Variants in LRRIQ1 observed in about 807,000 individuals in gnomAD.
The protein encoded by LRRIQ1 is leucine rich repeats and IQ motif containing 1.
Under a neutral mutation model 211.9 loss-of-function variants are expected in LRRIQ1, and 210 were observed. The observed-to-expected ratio is 0.99, with a 90% CI of 0.89 to 1.11. The LOEUF is 1.11. Among genes scored for constraint, LRRIQ1 ranks in the 50% most tolerant of loss-of-function variants. The probability of loss-of-function intolerance (pLI) is 0.00; values close to 1 mark genes in which losing one functional copy is unlikely to be tolerated. For synonymous variants in LRRIQ1, 699 were observed against 650.1 expected, an observed-to-expected ratio of 1.08 and a Z score of -1.14; for missense variants, 2,136 against 1,939.5, an observed-to-expected ratio of 1.10 and a Z score of -1.90.
intron 24 of LRRIQ1, among the ~76,000 whole-genome samples, chr12:85,194,204 A>C (rs989826049): frequency 8.3e-6 from 1 of 121,164 alleles, no homozygotes; most frequent in Non-Finnish European, 1.7e-5. Context: ...AGAGACTTAG[A>C]CTCCCAAACA....
In LRRIQ1 at chr12:85,114,122, T is replaced by A. The variant is rs1021452712; in HGVS notation, c.3377+7507T>A. 3.3e-5 allele frequency among the ~76,000 whole-genome samples: 5 copies of A among 152,092 alleles called. No homozygotes were observed. The South Asian group carries it at 1.0e-3, about 32-fold the overall frequency. On this transcript the variant is annotated intron_variant, in intron 15 of 26. Coordinates refer to ENST00000393217, the MANE Select transcript of LRRIQ1 (RefSeq NM_001079910.2). ...ATCTCCAAGTTTGGGATCCTCACTTTTAGGAGCTGGATCTTAAAGTGAAAC... is the reference window on the plus strand; with the variant it reads ...ATCTCCAAGTTTGGGATCCTCACTTATAGGAGCTGGATCTTAAAGTGAAAC...
intron 6 of LRRIQ1, among the ~76,000 whole-genome samples, chr12:85,049,575 C>T (rs769436806): frequency 6.6e-6 from 1 of 152,088 alleles, no homozygotes; most frequent in Non-Finnish European, 1.5e-5. Flanking sequence ...TTCCTCCCAT[C>T]CTAAAAATAA....
chr12:85,196,543 C>T (rs1489033427), intron 24 of LRRIQ1, among the ~76,000 whole-genome samples: 1 of 152,080 alleles, frequency 6.6e-6, no homozygotes, highest in Non-Finnish European at 1.5e-5. Context: ...ACTATCTGAT[C>T]TTTGACAAAC....
chr12:85,061,314 C>G (rs910278619), intron 8 of LRRIQ1, among the ~76,000 whole-genome samples: 1 of 151,564 alleles, frequency 6.6e-6, no homozygotes, highest in African/African-American at 2.4e-5. Flanking sequence ...ATAATTAATA[C>G]AAAAATTTAT....
At chr12:85,040,645 G>A (rs781458659) in intron 3 of LRRIQ1, 44 bp downstream of exon 3, 2 of 1,165,112 alleles carry the variant, frequency 1.7e-6, no homozygotes, top group Non-Finnish European at 2.5e-6. Context: ...CTTTCTGTAA[G>A]TATGAACAAA....
intron 26 of LRRIQ1, among the ~76,000 whole-genome samples, chr12:85,239,845 G>A (rs1346489802): frequency 6.6e-6 from 1 of 151,990 alleles, no homozygotes; most frequent in Non-Finnish European, 1.5e-5. Flanking sequence ...GGGCATGGTG[G>A]CACGTGCCTG....
intron 24 of LRRIQ1, among the ~76,000 whole-genome samples, chr12:85,199,268 C>A (rs1893173099): frequency 6.6e-6 from 1 of 152,108 alleles, no homozygotes; most frequent in Non-Finnish European, 1.5e-5. Context: ...AGTTTCCAAT[C>A]CATCTTGAGT....
intron 1 of LRRIQ1, among the ~76,000 whole-genome samples, chr12:85,262,431 G>T (rs749617684): frequency 1.3e-5 from 2 of 151,898 alleles, no homozygotes; most frequent in African/African-American, 2.4e-5. Context: ...TGAATATCTT[G>T]ATATTCTAGA....
At chr12:85,217,726 A>ATATGTATATATATGTAACTG (rs143541341) in intron 24 of LRRIQ1, among the ~76,000 whole-genome samples, 48 of 144,102 alleles carry the variant, frequency 3.3e-4, no homozygotes, top group African/African-American at 1.2e-3. Context: ...ATATGTATAT[A>ATATGTATATATATGTAACTG]TGTGTATATA....
In LRRIQ1 at chr12:85,245,064, C is replaced by A; in HGVS notation, c.*123C>A. 1 of 1,368,108 alleles carries A rather than the reference C, an allele frequency of 7.3e-7. No homozygotes were observed. The highest frequency in any genetic ancestry group is 9.6e-7 in the Non-Finnish European group (1 of 1,038,112). The allele number at this position is 1,368,108 out of a possible 1,614,324, so 84.7% of individuals were successfully genotyped here. On this transcript the variant is annotated 3_prime_UTR_variant, in exon 27 of 27. Coordinates refer to ENST00000393217, the MANE Select transcript of LRRIQ1 (RefSeq NM_001079910.2). ...TTAAATTTTTTCTTTCTTTAAATAT[C>A]CTCTTTTGATATAAACAAAATTAAA...
At chr12:85,091,594 T>C (rs2136231450) in intron 11 of LRRIQ1, among the ~76,000 whole-genome samples, 1 of 152,294 alleles carries the variant, frequency 6.6e-6, no homozygotes, top group East Asian at 1.9e-4. Context: ...ATATCCAGCA[T>C]GGTGGTCCCT....
At chr12:85,251,856 A>G (rs1367544621) in intron 1 of LRRIQ1, among the ~76,000 whole-genome samples, 1 of 151,748 alleles carries the variant, frequency 6.6e-6, no homozygotes, top group Non-Finnish European at 1.5e-5. Context: ...CTAGAACAAT[A>G]CAACTTTGTA....
chr12:85,102,961 T>A (rs11116710), intron 13 of LRRIQ1, among the ~76,000 whole-genome samples: 12,680 of 102,546 alleles, frequency 0.12, 772 homozygotes, highest in Non-Finnish European at 0.16. Flanking sequence ...AAAAAAAAAA[T>A]ATATATATAT....
chr12:85,271,892 G>A, the LRRIQ1 span, among the ~76,000 whole-genome samples: 1 of 152,004 alleles, frequency 6.6e-6, no homozygotes, highest in South Asian at 2.1e-4. Flanking sequence ...GGCCAACCTA[G>A]GAATGCATAA....
chr12:85,213,958 AGAT>A (rs1355511277), intron 24 of LRRIQ1, among the ~76,000 whole-genome samples: 4 of 152,022 alleles, frequency 2.6e-5, no homozygotes, highest in African/African-American at 7.2e-5. Flanking sequence ...ATAGATTGAC[AGAT>A]GATACCAACT....
intron 24 of LRRIQ1, among the ~76,000 whole-genome samples, chr12:85,161,075 G>C (rs1419344156): frequency 6.6e-6 from 1 of 151,944 alleles, no homozygotes; most frequent in Non-Finnish European, 1.5e-5. Context: ...ATGATATTCT[G>C]TTTACTGCCA....
Position 85,233,242 on chromosome 12 carries a change from A to G in LRRIQ1, c.5016+486A>G, listed in dbSNP as rs542894456. Reference sequence around the variant, plus strand: ...ACATAATGATCAGAATAAAGACGCTATGCAGTATAACTGTATGTGCATTGC... The same window carrying G: ...ACATAATGATCAGAATAAAGACGCTGTGCAGTATAACTGTATGTGCATTGC... On this transcript the variant is annotated intron_variant, in intron 26 of 26. Coordinates refer to ENST00000393217, the MANE Select transcript of LRRIQ1 (RefSeq NM_001079910.2). Among the ~76,000 whole-genome samples, 5 of 152,204 alleles carry G rather than the reference A, an allele frequency of 3.3e-5. No individual in the cohort carries two copies. In the East Asian group the frequency reaches 9.6e-4, roughly 29 times the overall value.
At chr12:85,153,291 A>C in intron 21 of LRRIQ1, 146 bp downstream of exon 21, 1 of 858,812 alleles carries the variant, frequency 1.2e-6, no homozygotes, top group Middle Eastern at 3.5e-4. Flanking sequence ...CATGGTCATG[A>C]AGAGTTTTCA....
At chr12:85,181,728 A>C (rs1445526185) in intron 24 of LRRIQ1, among the ~76,000 whole-genome samples, 1 of 152,020 alleles carries the variant, frequency 6.6e-6, no homozygotes, top group East Asian at 1.9e-4. Context: ...TAGTTTATAC[A>C]TTTAAGCTAC....
Sources: allele counts gnomAD v4.1 joint callset (sites outside exome capture counted in the v4.1 genomes callset), GRCh38; gene constraint gnomAD v4.1.1; transcripts MANE v1.5; gene names NCBI Gene and HGNC (gene_info 2026-07-23, HGNC 2026-07-21).